The following MATCAP2 variants were observed in gnomAD, a reference collection of about 807,000 sequenced individuals.
MATCAP2 encodes microtubule associated tyrosine carboxypeptidase 2.
the MATCAP2 span, among the ~76,000 whole-genome samples, chr7:36,357,758 C>G: frequency 1.3e-5 from 2 of 152,164 alleles, no homozygotes; most frequent in African/African-American, 4.8e-5. Context: ...AAACTTTGGT[C>G]ACGCTAGCTA....
At chr7:36,328,401 CTA>C in the MATCAP2 span, among the ~76,000 whole-genome samples, 1 of 151,308 alleles carries the variant, frequency 6.6e-6, no homozygotes, top group East Asian at 2.0e-4. Context: ...ACTTTAAAAA[CTA>C]TAGTCTTCTG....
chr7:36,342,272 T>G, the MATCAP2 span, among the ~76,000 whole-genome samples: 4 of 151,310 alleles, frequency 2.6e-5, no homozygotes, highest in African/African-American at 9.7e-5. Flanking sequence ...GTCTGCCTCC[T>G]GGGTTCAAGC....
chr7:36,339,806 A>G, the MATCAP2 span, among the ~76,000 whole-genome samples: 1 of 152,212 alleles, frequency 6.6e-6, no homozygotes, highest in Non-Finnish European at 1.5e-5. Context: ...GTTAAAAATT[A>G]TCTCTAAGAA....
chr7:36,341,880 C>A, the MATCAP2 span, among the ~76,000 whole-genome samples: 1 of 152,178 alleles, frequency 6.6e-6, no homozygotes, highest in Non-Finnish European at 1.5e-5. Context: ...GGCACCAGAA[C>A]CATGAGAAAT....
the MATCAP2 span, among the ~76,000 whole-genome samples, chr7:36,337,477 G>A: frequency 6.6e-6 from 1 of 152,154 alleles, no homozygotes; most frequent in Admixed American, 6.5e-5. Context: ...TATCTTACAT[G>A]AATTGTGTAA....
the MATCAP2 span, chr7:36,355,811 G>A: frequency 2.0e-5 from 3 of 152,244 alleles, no homozygotes; most frequent in African/African-American, 7.2e-5. Flanking sequence ...CCTGAACAAA[G>A]TTAATTTGAC....
the MATCAP2 span, chr7:36,366,814 G>A: frequency 1.3e-6 from 2 of 1,523,180 alleles, no homozygotes; most frequent in Non-Finnish European, 1.7e-6. Context: ...GTGGAGTCCC[G>A]AGCGGCGCGC....
At chr7:36,337,648 T>TATC in the MATCAP2 span, 1 of 150,580 alleles carries the variant, frequency 6.6e-6, no homozygotes, top group Non-Finnish European at 1.5e-5. Flanking sequence ...TTATTACTCT[T>TATC]ATTATTATTA....
the MATCAP2 span, chr7:36,331,046 C>A: frequency 1.4e-5 from 23 of 1,613,124 alleles, no homozygotes; most frequent in Non-Finnish European, 1.9e-5. Context: ...TTGAAGAATT[C>A]CATCCAAGTA....
the MATCAP2 span, among the ~76,000 whole-genome samples, chr7:36,359,929 A>T: frequency 7.2e-5 from 11 of 152,198 alleles, no homozygotes; most frequent in African/African-American, 2.7e-4. Context: ...CGAAATAGAT[A>T]CAAAAAGGGA....
chr7:36,375,682 C>G, the MATCAP2 span, among the ~76,000 whole-genome samples: 2 of 152,084 alleles, frequency 1.3e-5, no homozygotes, highest in African/African-American at 4.8e-5. Flanking sequence ...CCTCTTTGTA[C>G]CTCTGGTACA....
At chr7:36,364,331 G>A in the MATCAP2 span, among the ~76,000 whole-genome samples, 2 of 151,968 alleles carry the variant, frequency 1.3e-5, no homozygotes, top group African/African-American at 2.4e-5. Flanking sequence ...CAGGTAATCC[G>A]CCTGCTCTCC....
the MATCAP2 span, chr7:36,357,384 T>C: frequency 6.2e-7 from 1 of 1,614,108 alleles, no homozygotes; most frequent in Admixed American, 1.7e-5. Flanking sequence ...TTGGAGTAGG[T>C]GGAGGAAGAC....
At chr7:36,357,357 T>G in the MATCAP2 span, 1 of 1,614,110 alleles carries the variant, frequency 6.2e-7, no homozygotes, top group Non-Finnish European at 8.5e-7. Flanking sequence ...GGAGATTTGC[T>G]GGGTTTTCTA....
At chr7:36,379,574 A>G in the MATCAP2 span, among the ~76,000 whole-genome samples, 2 of 152,028 alleles carry the variant, frequency 1.3e-5, no homozygotes, top group East Asian at 1.9e-4. Context: ...CTCCCTAAAC[A>G]GTTCAGAGTA....
the MATCAP2 span, among the ~76,000 whole-genome samples, chr7:36,339,508 G>A: frequency 6.6e-6 from 1 of 152,140 alleles, no homozygotes; most frequent in African/African-American, 2.4e-5. Context: ...AAGATCCCCA[G>A]GTGATTCAAG....
At chr7:36,338,460 C>A in the MATCAP2 span, among the ~76,000 whole-genome samples, 1 of 151,864 alleles carries the variant, frequency 6.6e-6, no homozygotes, top group Non-Finnish European at 1.5e-5. Context: ...ACCATGCTGG[C>A]TAATTTTTAA....
chr7:36,348,382 G>A, the MATCAP2 span, among the ~76,000 whole-genome samples: 10 of 152,186 alleles, frequency 6.6e-5, no homozygotes, highest in African/African-American at 2.4e-4. Context: ...ACCAATCACT[G>A]TGTAAAGCTA....
chr7:36,367,785 G>A, the MATCAP2 span, among the ~76,000 whole-genome samples: 1 of 152,100 alleles, frequency 6.6e-6, no homozygotes, highest in South Asian at 2.1e-4. Context: ...CATGGGAGGC[G>A]GGCCACGGTG....
Sources: allele counts gnomAD v4.1 joint callset (sites outside exome capture counted in the v4.1 genomes callset), GRCh38; gene constraint gnomAD v4.1.1; transcripts MANE v1.5; gene names NCBI Gene and HGNC (gene_info 2026-07-23, HGNC 2026-07-21).